FOXP1: variants seen among roughly 807,000 people sequenced by gnomAD.
FOXP1 encodes the protein forkhead box protein P1.
In FOXP1, 15 loss-of-function variants were observed where a neutral mutation model predicts 98.2. That is an observed-to-expected ratio of 0.15 (90% confidence interval 0.10 to 0.24). FOXP1 has a LOEUF of 0.24. Among genes scored for constraint, FOXP1 ranks in the 10% least tolerant of loss-of-function variants. The pLI, the probability that FOXP1 is intolerant of heterozygous loss-of-function variation, is 1.00. For missense variants in FOXP1, 633 were observed against 848.5 expected, an observed-to-expected ratio of 0.75 and a Z score of 3.15; for synonymous variants, 371 against 314.5, an observed-to-expected ratio of 1.18 and a Z score of -1.90.
At chr3:71,430,563 C>G (rs373561736) in intron 3 of FOXP1, among the ~76,000 whole-genome samples, 1 of 151,494 alleles carries the variant, frequency 6.6e-6, no homozygotes, top group East Asian at 1.9e-4. Context: ...ACAGTAGGGT[C>G]CATTCTTTAC....
At chr3:71,470,509 G>A (rs2089230944) in intron 3 of FOXP1, among the ~76,000 whole-genome samples, 1 of 152,182 alleles carries the variant, frequency 6.6e-6, no homozygotes, top group Non-Finnish European at 1.5e-5. Flanking sequence ...GGAGGCTGAG[G>A]AGGGCAGATT....
intron 3 of FOXP1, among the ~76,000 whole-genome samples, chr3:71,391,536 C>T (rs759826276): frequency 2.6e-5 from 4 of 152,334 alleles, no homozygotes; most frequent in Non-Finnish European, 4.4e-5. Flanking sequence ...ACACTTCGGT[C>T]TTTCGCTTGT....
chr3:71,259,122 T>G (rs914629732), intron 5 of FOXP1, among the ~76,000 whole-genome samples: 4 of 151,746 alleles, frequency 2.6e-5, no homozygotes, highest in African/African-American at 9.7e-5. Flanking sequence ...CCAACCTGGG[T>G]GACAGAGCTA....
chr3:70,993,409 G>A (rs17008111), intron 13 of FOXP1, among the ~76,000 whole-genome samples: 3,853 of 152,258 alleles, frequency 0.025, 136 homozygotes, highest in Admixed American at 0.072. Flanking sequence ...GGGTGGAAGC[G>A]TTAAGGCAGG....
At chr3:71,246,800 C>T (rs2067783895) in intron 5 of FOXP1, among the ~76,000 whole-genome samples, 1 of 152,208 alleles carries the variant, frequency 6.6e-6, no homozygotes, top group South Asian at 2.1e-4. Flanking sequence ...TCGTCTCCGT[C>T]ACTCTTCATC....
intron 5 of FOXP1, among the ~76,000 whole-genome samples, chr3:71,294,004 G>T (rs1363290153): frequency 6.6e-6 from 1 of 152,164 alleles, no homozygotes; most frequent in African/African-American, 2.4e-5. Flanking sequence ...TTTGCTAAGT[G>T]AAAGAATCCA....
Position 71,476,310 on chromosome 3 carries a change from T to G in FOXP1, c.-168+17116A>C, listed in dbSNP as rs189696790. Reference sequence around the variant, plus strand: ...AAATTCATCAAGTTCTTTTTTTTTTTTTTGTTTTGTTTTTGAGCAATGGTT... The same window carrying G: ...AAATTCATCAAGTTCTTTTTTTTTTGTTTGTTTTGTTTTTGAGCAATGGTT... On this transcript the variant is annotated intron_variant, in intron 3 of 20. Transcript: ENST00000649528. 4.5e-3 allele frequency among the ~76,000 whole-genome samples: 689 copies of G among 151,858 alleles called. 4 individuals are homozygous for G. Among genetic ancestry groups the G allele is most frequent in the African/African-American group, 0.01 (416 of 41,414 alleles).
chr3:71,071,085 T>C (rs1015407465), intron 7 of FOXP1, among the ~76,000 whole-genome samples: 2 of 152,136 alleles, frequency 1.3e-5, no homozygotes, highest in Non-Finnish European at 2.9e-5. Context: ...CTTTCCCTAA[T>C]AGTCACCAAT....
At chr3:71,262,175 A>G (rs553769073) in intron 5 of FOXP1, among the ~76,000 whole-genome samples, 3 of 143,224 alleles carry the variant, frequency 2.1e-5, no homozygotes, top group African/African-American at 7.7e-5. Flanking sequence ...CTGAGGCAGG[A>G]GAATTGCTTG....
At chr3:70,971,279 T>G (rs139870040) in intron 18 of FOXP1, 5 of 200,952 alleles carry the variant, frequency 2.5e-5, no homozygotes, top group Non-Finnish European at 5.1e-5. Context: ...TTAAGGAATA[T>G]CCACAAGGCA....
chr3:71,125,713 A>C (rs2059119865), intron 6 of FOXP1, among the ~76,000 whole-genome samples: 1 of 152,230 alleles, frequency 6.6e-6, no homozygotes, highest in African/African-American at 2.4e-5. Flanking sequence ...GGCATGAAGA[A>C]GTAAGGATTC....
chr3:71,258,422 G>A (rs1457068878), intron 5 of FOXP1, among the ~76,000 whole-genome samples: 1 of 152,210 alleles, frequency 6.6e-6, no homozygotes. Flanking sequence ...GCAGAATAAG[G>A]GGTCTGGTAT....
At chr3:71,240,329 T>C (rs2067148474) in intron 5 of FOXP1, among the ~76,000 whole-genome samples, 1 of 152,224 alleles carries the variant, frequency 6.6e-6, no homozygotes, top group Non-Finnish European at 1.5e-5. Flanking sequence ...AAGGGCAGTG[T>C]ACTGGCCAAA....
intron 6 of FOXP1, among the ~76,000 whole-genome samples, chr3:71,126,289 A>C (rs2593854): frequency 0.31 from 45,476 of 147,784 alleles, 8,148 homozygotes; most frequent in East Asian, 0.6. Context: ...TCGAGACCAT[A>C]CTGGCTAACA....
intron 14 of FOXP1, among the ~76,000 whole-genome samples, chr3:70,979,922 G>A (rs918156765): frequency 1.3e-5 from 2 of 152,058 alleles, no homozygotes; most frequent in Non-Finnish European, 2.9e-5. Flanking sequence ...CATGGCGCTG[G>A]AAACAGAATG....
chr3:71,402,410 G>A (rs895100888), intron 3 of FOXP1, among the ~76,000 whole-genome samples: 21 of 152,166 alleles, frequency 1.4e-4, no homozygotes, highest in African/African-American at 4.8e-4. Flanking sequence ...AACCATGTTT[G>A]CGCCACTGCA....
chr3:71,288,840 G>C (rs2072448597), intron 5 of FOXP1, among the ~76,000 whole-genome samples: 1 of 152,150 alleles, frequency 6.6e-6, no homozygotes, highest in Non-Finnish European at 1.5e-5. Context: ...TGTAAGTTCA[G>C]CCAGCCAGCA....
intron 3 of FOXP1, among the ~76,000 whole-genome samples, chr3:71,372,865 T>C (rs1035351553): frequency 6.6e-6 from 1 of 152,174 alleles, no homozygotes; most frequent in African/African-American, 2.4e-5. Flanking sequence ...TGACTTGGGT[T>C]GAGGACTGGA....
chr3:71,521,196 G>A (rs1340493865), intron 2 of FOXP1, among the ~76,000 whole-genome samples: 1 of 152,132 alleles, frequency 6.6e-6, no homozygotes, highest in Non-Finnish European at 1.5e-5. Flanking sequence ...GAAGGCCACT[G>A]AGATATGTGG....
Sources: gnomAD v4.1 joint callset for allele counts (sites outside exome capture counted in the v4.1 genomes callset) on GRCh38, gnomAD v4.1.1 for gene constraint, MANE v1.5 for transcripts, NCBI Gene and HGNC (gene_info 2026-07-23, HGNC 2026-07-21) for gene names.